GPC6: variants seen among roughly 807,000 people sequenced by gnomAD.
The protein encoded by GPC6 is glypican 6.
A neutral mutation model predicts 55.2 loss-of-function variants in GPC6; 14 were observed. The observed-to-expected ratio is 0.25, with a 90% CI of 0.17 to 0.40. The LOEUF is 0.40. Ranked by LOEUF, GPC6 falls within the 10% of genes least tolerant of loss-of-function variation. The probability of loss-of-function intolerance (pLI) is 1.00; values close to 1 mark genes in which losing one functional copy is unlikely to be tolerated. For synonymous variants in GPC6, 278 were observed against 259.6 expected (o/e 1.07, Z -0.68); for missense variants, 641 against 708.5 (o/e 0.90, Z 1.08).
At chr13:93,338,292 T>G (rs899724112) in intron 1 of GPC6, among the ~76,000 whole-genome samples, 3 of 152,188 alleles carry the variant, frequency 2.0e-5, no homozygotes, top group African/African-American at 7.2e-5. Context: ...GAATTACAGC[T>G]GTAATAATAA....
At position 93,227,473 on chromosome 13, in the gene GPC6, G is replaced by C. The variant is rs1875832763; in HGVS notation, c.17G>C (p.Gly6Ala). 6.2e-7 allele frequency: 1 copy of C among 1,613,892 alleles called. No individual in the cohort carries two copies. Among genetic ancestry groups the C allele is most frequent in the Non-Finnish European group, 8.5e-7 (1 of 1,179,846 alleles). MPSWI[G>A]AVILPLLGLL... ...TGTTGCACCATGCCTTCTTGGATCGGGGCTGTGATTCTTCCCCTCTTGGGG... is the reference window on the plus strand; with the variant it reads ...TGTTGCACCATGCCTTCTTGGATCGCGGCTGTGATTCTTCCCCTCTTGGGG... Residue 6 changes from glycine (G) to alanine (A), a missense_variant, in exon 1 of 9, where the codon GGG becomes GCG. Gly to Ala is a moderately conservative substitution (Grantham distance 60). Transcript: ENST00000377047. This position sits in a 1 kb window ranked among gnomAD's most constrained non-coding sequence, Gnocchi z 4.3.
intron 1 of GPC6, among the ~76,000 whole-genome samples, chr13:93,246,874 GA>G (rs999154576): frequency 9.7e-5 from 14 of 144,120 alleles, no homozygotes; most frequent in Admixed American, 3.5e-4. Context: ...TTTTTTCCTG[GA>G]AAAAAAAAAT....
intron 2 of GPC6, among the ~76,000 whole-genome samples, chr13:93,644,003 C>G (rs781180236): frequency 6.6e-6 from 1 of 151,984 alleles, no homozygotes; most frequent in Non-Finnish European, 1.5e-5. Context: ...TTCTGATGTC[C>G]TTGTTCTGAG....
intron 3 of GPC6, among the ~76,000 whole-genome samples, chr13:93,931,765 G>GAAAA (rs545578327): frequency 1.4e-4 from 7 of 49,694 alleles, no homozygotes; most frequent in Non-Finnish European, 2.5e-4. Flanking sequence ...CTCTGTCTCA[G>GAAAA]AAAAAAAAAA....
chr13:93,754,948 T>C (rs1037055113), intron 2 of GPC6, among the ~76,000 whole-genome samples: 2 of 152,194 alleles, frequency 1.3e-5, no homozygotes, highest in Non-Finnish European at 2.9e-5. Context: ...TTCATAAGTA[T>C]ACCAGTTTCT....
At chr13:94,131,491 C>T (rs925860914) in intron 4 of GPC6, among the ~76,000 whole-genome samples, 6 of 152,004 alleles carry the variant, frequency 3.9e-5, no homozygotes, top group Non-Finnish European at 8.8e-5. Context: ...AAATACAGAG[C>T]TTTTTTCAAG....
intron 2 of GPC6, among the ~76,000 whole-genome samples, chr13:93,581,329 G>A (rs981032927): frequency 1.3e-5 from 2 of 152,070 alleles, no homozygotes; most frequent in Non-Finnish European, 2.9e-5. Context: ...TAAGAACACT[G>A]AAATCAGAAA....
At chr13:93,455,374 A>G (rs1391751918) in intron 1 of GPC6, among the ~76,000 whole-genome samples, 6 of 152,114 alleles carry the variant, frequency 3.9e-5, no homozygotes, top group Non-Finnish European at 7.3e-5. Context: ...CAAACGAAGG[A>G]AAAGAAACTC....
At chr13:93,705,573 G>A (rs1459708898) in intron 2 of GPC6, among the ~76,000 whole-genome samples, 3 of 151,868 alleles carry the variant, frequency 2.0e-5, no homozygotes, top group African/African-American at 7.2e-5. Flanking sequence ...GCTAGAGGGA[G>A]AGGAGAGGGA....
chr13:93,726,040 T>G (rs12020287), intron 2 of GPC6, among the ~76,000 whole-genome samples: 29,615 of 151,160 alleles, frequency 0.2, 3,373 homozygotes, highest in Middle Eastern at 0.35. Context: ...TATCCATAGC[T>G]ATCATTCACT....
Position 94,052,442 on chromosome 13 carries a change from G to T in GPC6, c.877+24548G>T, listed in dbSNP as rs1446986332. Among the ~76,000 whole-genome samples, 4 of 152,146 alleles carry T rather than the reference G, an allele frequency of 2.6e-5. No homozygotes were observed. The East Asian group carries it at 7.7e-4, about 29-fold the overall frequency. On this transcript the variant is annotated intron_variant, in intron 4 of 8. Transcript: ENST00000377047. ...TTATTGAAAGTTTGGTTGGGGCTAG[G>T]TTATGAACTGCCTCATATGCTATGC... is the stretch of plus-strand genomic sequence containing the variant.
chr13:93,808,559 T>G (rs1461355283), intron 2 of GPC6, among the ~76,000 whole-genome samples: 2 of 152,210 alleles, frequency 1.3e-5, no homozygotes, highest in Admixed American at 1.3e-4. Flanking sequence ...CATTCAATTT[T>G]TAAAGTTTTA....
intron 4 of GPC6, among the ~76,000 whole-genome samples, chr13:94,132,571 T>A (rs927608065): frequency 2.6e-5 from 4 of 152,130 alleles, no homozygotes; most frequent in Non-Finnish European, 4.4e-5. Flanking sequence ...TGTTCAAAAA[T>A]ATGGGCCAAA....
In GPC6 at chr13:93,812,147, G is replaced by A. The variant is rs1244993475; in HGVS notation, c.320-18007G>A. Among the ~76,000 whole-genome samples, 6 of 141,642 alleles carry A rather than the reference G, an allele frequency of 4.2e-5. No homozygotes were observed. The East Asian group carries it at 9.3e-4, about 22-fold the overall frequency. 92.9% of individuals were successfully genotyped at this position (141,642 alleles called of 152,430 possible). A position where few individuals can be genotyped will look rare whatever the true frequency, so the allele number is the denominator to read the frequency against. The stretch of plus-strand genomic sequence containing the variant: ...ACTTTGGGAGTGCAAGGCGGTGGGG[G>A]GGGGGGCGGGGGGTGGGTGGATCAC... On this transcript the variant is annotated intron_variant, in intron 2 of 8. Transcript: ENST00000377047.
intron 3 of GPC6, among the ~76,000 whole-genome samples, chr13:93,872,128 CAA>C (rs1460375259): frequency 6.6e-6 from 1 of 151,824 alleles, no homozygotes; most frequent in Non-Finnish European, 1.5e-5. Context: ...TTTGAAATAT[CAA>C]AAGAGATTAT....
chr13:94,382,120 G>A (rs930572713), intron 6 of GPC6, among the ~76,000 whole-genome samples: 2 of 152,164 alleles, frequency 1.3e-5, no homozygotes, highest in Non-Finnish European at 2.9e-5. Context: ...AGAGGGACCC[G>A]AAGCCAGGCG....
At chr13:94,320,604 G>C (rs1437512496) in intron 6 of GPC6, among the ~76,000 whole-genome samples, 1 of 152,176 alleles carries the variant, frequency 6.6e-6, no homozygotes, top group Non-Finnish European at 1.5e-5. Context: ...TCACTTTAGG[G>C]AAGCCCTGTA....
At chr13:93,345,271 C>T (rs1222345777) in intron 1 of GPC6, among the ~76,000 whole-genome samples, 1 of 152,036 alleles carries the variant, frequency 6.6e-6, no homozygotes, top group East Asian at 1.9e-4. Flanking sequence ...AATTGAAAGA[C>T]AAACTGTTTC....
chr13:93,869,691 T>C (rs1351822716), intron 3 of GPC6, among the ~76,000 whole-genome samples: 2 of 151,852 alleles, frequency 1.3e-5, no homozygotes, highest in Non-Finnish European at 2.9e-5. Context: ...ATATTTCAAA[T>C]ACAGGGCAAT....
Sources: gnomAD v4.1 joint callset for allele counts (sites outside exome capture counted in the v4.1 genomes callset) on GRCh38, gnomAD v4.1.1 for gene constraint, Gnocchi (gnomAD v3.1) non-coding constraint, MANE v1.5 for transcripts, NCBI Gene and HGNC (gene_info 2026-07-23, HGNC 2026-07-21) for gene names.